SH3KBP1: variants seen among roughly 807,000 people sequenced by gnomAD.
SH3KBP1 encodes the protein SH3 domain-containing kinase-binding protein 1.
A neutral mutation model predicts 50.1 loss-of-function variants in SH3KBP1; 8 were observed. The ratio of observed to expected loss-of-function variants is 0.16; its 90% CI spans 0.09 to 0.29. The LOEUF is 0.29. SH3KBP1 is among the 10% of genes least tolerant of loss of function. The pLI, the probability that SH3KBP1 is intolerant of heterozygous loss-of-function variation, is 1.00. For synonymous variants in SH3KBP1, 227 were observed against 218.6 expected (o/e 1.04, Z -0.34); for missense variants, 377 against 535.2 (o/e 0.70, Z 2.92).
intron 13 of SH3KBP1, among the ~76,000 whole-genome samples, chrX:19,567,512 C>G (rs1001694940): frequency 3.0e-5 from 1 of 32,825 alleles, no homozygotes; most frequent in Non-Finnish European, 4.9e-5. Flanking sequence ...GAGCAAGACT[C>G]CATCTCAAAA....
chrX:19,712,929 CA>C (rs2148695146), intron 3 of SH3KBP1, among the ~76,000 whole-genome samples: 1 of 111,727 alleles, frequency 9.0e-6, no homozygotes, highest in East Asian at 2.8e-4. Flanking sequence ...GAGCCGTTTA[CA>C]AAAACTGATC....
In SH3KBP1 at chrX:19,740,882, C is replaced by T; in HGVS notation, c.286+5436G>A. The T allele has an allele frequency of 1.3e-5, 3 of 228,711 alleles. No individual in the cohort carries two copies. The East Asian group carries it at 3.6e-4, about 27-fold the overall frequency. 18.8% of individuals were successfully genotyped at this position (228,711 alleles called of 1,213,427 possible). The stretch of plus-strand genomic sequence containing the variant: ...CCCTCACACTAAAAGCTAGAAAAAA[C>T]GTTTCCCCTTCAGGGGAAGTGGGGA... On this transcript the variant is annotated intron_variant, in intron 3 of 17. Coordinates refer to ENST00000397821, the MANE Select transcript of SH3KBP1 (RefSeq NM_031892.3).
At chrX:19,697,371 C>T (rs758390693) in intron 4 of SH3KBP1, among the ~76,000 whole-genome samples, 4 of 112,121 alleles carry the variant, frequency 3.6e-5, no homozygotes, top group African/African-American at 6.5e-5. Flanking sequence ...AGTTGTGTGA[C>T]GTTATGCAAA....
At chrX:19,675,688 G>A (rs767651438) in intron 6 of SH3KBP1, among the ~76,000 whole-genome samples, 2 of 111,757 alleles carry the variant, frequency 1.8e-5, no homozygotes, top group South Asian at 3.7e-4. Flanking sequence ...CACCACACCC[G>A]GCCAACCACT....
At chrX:19,802,562 C>G (rs2066923647) in intron 2 of SH3KBP1, among the ~76,000 whole-genome samples, 1 of 110,252 alleles carries the variant, frequency 9.1e-6, no homozygotes, top group South Asian at 3.8e-4. Context: ...AGATCCCTCT[C>G]ACCTTCTGGC....
intron 2 of SH3KBP1, among the ~76,000 whole-genome samples, chrX:19,834,839 G>A (rs2068010555): frequency 9.1e-6 from 1 of 110,138 alleles, no homozygotes; most frequent in Non-Finnish European, 1.9e-5. Context: ...AGACCAGCCT[G>A]GCCAATATGG....
chrX:19,611,167 C>A (rs892479524), intron 8 of SH3KBP1, among the ~76,000 whole-genome samples: 1 of 109,148 alleles, frequency 9.2e-6, no homozygotes, highest in Non-Finnish European at 1.9e-5. Flanking sequence ...ATTACAGGTG[C>A]GAGCTACCAC....
intron 2 of SH3KBP1, among the ~76,000 whole-genome samples, chrX:19,784,671 G>A (rs187673599): frequency 4.5e-5 from 5 of 110,719 alleles, no homozygotes; most frequent in East Asian, 5.7e-4. Flanking sequence ...GTGCAGTGGC[G>A]CGATCTCAGC....
At chrX:19,699,561 C>G (rs149301848) in intron 4 of SH3KBP1, among the ~76,000 whole-genome samples, 65 of 112,304 alleles carry the variant, frequency 5.8e-4, no homozygotes, top group African/African-American at 1.9e-3. Context: ...AAGAGTGAAT[C>G]TCACCTTTGG....
At chrX:19,843,866 A>G (rs1427979391) in intron 1 of SH3KBP1, among the ~76,000 whole-genome samples, 1 of 111,631 alleles carries the variant, frequency 9.0e-6, no homozygotes, top group Non-Finnish European at 1.9e-5. Flanking sequence ...CCTGCCTCAG[A>G]CACCATTAAG....
chrX:19,844,589 T>C (rs2068312403), intron 1 of SH3KBP1, among the ~76,000 whole-genome samples: 1 of 110,948 alleles, frequency 9.0e-6, no homozygotes, highest in African/African-American at 3.3e-5. Context: ...CAATCAAAGA[T>C]CAGAATGAAA....
At chrX:19,708,513 T>C (rs1423035130) in intron 3 of SH3KBP1, among the ~76,000 whole-genome samples, 1 of 111,249 alleles carries the variant, frequency 9.0e-6, no homozygotes, top group Non-Finnish European at 1.9e-5. Context: ...GAGGGCCCAC[T>C]CCAACTTGCT....
intron 9 of SH3KBP1, among the ~76,000 whole-genome samples, chrX:19,597,422 T>C (rs2066937997): frequency 8.9e-6 from 1 of 111,768 alleles, no homozygotes; most frequent in African/African-American, 3.3e-5. Context: ...TAATTCTTTT[T>C]TTGTTGTTTT....
intron 6 of SH3KBP1, among the ~76,000 whole-genome samples, chrX:19,676,626 C>G (rs1054890275): frequency 2.7e-5 from 3 of 110,297 alleles, no homozygotes; most frequent in Non-Finnish European, 5.7e-5. Context: ...TATTATGTAC[C>G]CACAAAAATT....
intron 1 of SH3KBP1, among the ~76,000 whole-genome samples, chrX:19,883,188 G>A (rs773825513): frequency 2.7e-5 from 3 of 112,328 alleles, no homozygotes; most frequent in African/African-American, 9.7e-5. Context: ...CCTGATTCAG[G>A]AGGTCTGCTG....
intron 17 of SH3KBP1, among the ~76,000 whole-genome samples, chrX:19,536,877 G>C (rs1211277355): frequency 1.8e-5 from 2 of 111,722 alleles, no homozygotes; most frequent in African/African-American, 6.5e-5. Flanking sequence ...AAGCAGCATG[G>C]GTCCCCATCA....
intron 7 of SH3KBP1, among the ~76,000 whole-genome samples, chrX:19,642,564 G>C (rs957710990): frequency 5.4e-5 from 6 of 111,812 alleles, no homozygotes; most frequent in Non-Finnish European, 9.4e-5. Flanking sequence ...TTCTGAATCT[G>C]TAAGACTGAA....
chrX:19,543,580 C>G (rs1253407661), intron 15 of SH3KBP1, among the ~76,000 whole-genome samples: 1 of 111,636 alleles, frequency 9.0e-6, no homozygotes, highest in African/African-American at 3.3e-5. Flanking sequence ...GTTTAGGACT[C>G]TCTTTCCAGA....
chrX:19,667,006 TACTC>T (rs1396073425), intron 6 of SH3KBP1, among the ~76,000 whole-genome samples: 1 of 112,422 alleles, frequency 8.9e-6, no homozygotes, highest in African/African-American at 3.2e-5. Flanking sequence ...AATGAAATAA[TACTC>T]AGCCTTAAAA....
Sources: allele counts gnomAD v4.1 joint callset (sites outside exome capture counted in the v4.1 genomes callset), GRCh38; gene constraint gnomAD v4.1.1; transcripts MANE v1.5; gene names NCBI Gene and HGNC (gene_info 2026-07-23, HGNC 2026-07-21).